The following RELN variants were observed in gnomAD, a reference collection of about 807,000 sequenced individuals.
The protein encoded by RELN is reelin.
RELN carries 108 observed loss-of-function variants against 427.6 expected under a neutral mutation model. The ratio of observed to expected loss-of-function variants is 0.25; its 90% CI spans 0.22 to 0.30. The LOEUF (loss-of-function observed/expected upper bound fraction) is 0.30, where lower values mean the gene tolerates loss of function less well. Among genes scored for constraint, RELN ranks in the 10% least tolerant of loss-of-function variants. RELN has a pLI of 1.00. For missense variants in RELN, 3,715 were observed against 4,302.8 expected (o/e 0.86, Z 3.82); for synonymous variants, 1,524 against 1,513.4 (o/e 1.01, Z -0.16).
chr7:103,849,952 C>A (rs552746937), intron 2 of RELN, among the ~76,000 whole-genome samples: 1 of 152,316 alleles, frequency 6.6e-6, no homozygotes, highest in East Asian at 1.9e-4. Context: ...CATAAATCAT[C>A]TCTTTCAAGA....
chr7:103,884,046 G>A (rs7777696), intron 2 of RELN, among the ~76,000 whole-genome samples: 59,543 of 150,896 alleles, frequency 0.39, 12,269 homozygotes, highest in Non-Finnish European at 0.43. Context: ...ACAGGGCTAC[G>A]GTAACAAAAA....
rs1797142671 is a variant in RELN, at chr7:103,988,137, GA to G, written c.226+993del. On this transcript the variant is annotated intron_variant, in intron 1 of 64. Transcript: ENST00000428762. This position sits in a 1 kb window ranked among gnomAD's most constrained non-coding sequence, Gnocchi z 4.9. The stretch of plus-strand genomic sequence containing the variant: ...GGTTGGGTATAAATATTTTGGGGTT[GA>G]AATTCTAATTAAATAGTGCCTGTCG... Among the ~76,000 whole-genome samples, 7 of 152,160 alleles carry G rather than the reference GA, an allele frequency of 4.6e-5. No individual in the cohort carries two copies. Among genetic ancestry groups the G allele is most frequent in the Admixed American group, 4.6e-4 (7 of 15,284 alleles).
At chr7:103,778,605 C>T (rs1204724118) in intron 3 of RELN, among the ~76,000 whole-genome samples, 3 of 152,192 alleles carry the variant, frequency 2.0e-5, no homozygotes, top group Non-Finnish European at 2.9e-5. Context: ...GATATACCAA[C>T]ATCTGCTAGT....
rs1563004244 is a variant in RELN at position 103,773,130 on chromosome 7, T to TTCTTTCTTTCTTTCTTTCTC, written c.544+3426_544+3427insGAGAAAGAAAGAAAGAAAGA. Among the ~76,000 whole-genome samples, 17 of 98,160 alleles carry TTCTTTCTTTCTTTCTTTCTC rather than the reference T, an allele frequency of 1.7e-4. No homozygotes were observed. The South Asian group carries it at 2.4e-3, about 14-fold the overall frequency. 64.4% of individuals were successfully genotyped at this position (98,160 alleles called of 152,430 possible). On this transcript the variant is annotated intron_variant, in intron 4 of 64. Transcript: ENST00000428762. The stretch of plus-strand genomic sequence containing the variant: ...TTTCTTTCTTTCTTTCTTTCTTTCT[T>TTCTTTCTTTCTTTCTTTCTC]TCTTTCTTTCTTTCTTTCTTTCTTT...
At chr7:103,539,394 T>G (rs1830126587) in intron 44 of RELN, 67 bp from the exon 45 acceptor site, 1 of 1,505,762 alleles carries the variant, frequency 6.6e-7, no homozygotes, top group Non-Finnish European at 9.1e-7. Flanking sequence ...GTTCTGCCTT[T>G]TTCGTTTGTT....
intron 5 of RELN, among the ~76,000 whole-genome samples, chr7:103,751,182 C>G (rs1790989579): frequency 6.6e-6 from 1 of 152,146 alleles, no homozygotes; most frequent in Non-Finnish European, 1.5e-5. Context: ...TTTGAACTAG[C>G]TAACAGACTG....
intron 8 of RELN, among the ~76,000 whole-genome samples, chr7:103,713,504 T>C (rs1163628957): frequency 6.6e-6 from 1 of 152,176 alleles, no homozygotes; most frequent in Non-Finnish European, 1.5e-5. Flanking sequence ...TTTAAAAAGC[T>C]AGAAGCTGTT....
chr7:103,885,992 AAAAAGAAG>A, intron 2 of RELN, among the ~76,000 whole-genome samples: 1 of 152,172 alleles, frequency 6.6e-6, no homozygotes, highest in Non-Finnish European at 1.5e-5. Context: ...TTTCTCTTCC[AAAAAGAAG>A]TTATATTATT....
chr7:103,710,274 T>C (rs1234829768), intron 8 of RELN, among the ~76,000 whole-genome samples: 2 of 152,228 alleles, frequency 1.3e-5, no homozygotes, highest in African/African-American at 4.8e-5. Flanking sequence ...TTGCCCCTCA[T>C]GTCAGGAGGT....
chr7:103,545,837 T>C (rs1830284087), intron 41 of RELN, among the ~76,000 whole-genome samples: 1 of 152,124 alleles, frequency 6.6e-6, no homozygotes, highest in Admixed American at 6.5e-5. Flanking sequence ...GGTTTCACCA[T>C]CTTGGCCAGG....
chr7:103,874,685 T>C (rs1357950563), intron 2 of RELN, among the ~76,000 whole-genome samples: 19 of 148,532 alleles, frequency 1.3e-4, no homozygotes, highest in Non-Finnish European at 2.4e-4. Flanking sequence ...GAACTACAAA[T>C]CACTGCTCAA....
At chr7:103,836,476 T>C (rs1194466186) in intron 2 of RELN, among the ~76,000 whole-genome samples, 2 of 152,196 alleles carry the variant, frequency 1.3e-5, no homozygotes, top group Non-Finnish European at 2.9e-5. Flanking sequence ...GCTCTATTGA[T>C]GTCACCGGCC....
At chr7:103,926,609 A>C (rs981509566) in intron 1 of RELN, among the ~76,000 whole-genome samples, 3 of 147,412 alleles carry the variant, frequency 2.0e-5, no homozygotes. Context: ...AACCGAACGC[A>C]GCTCTAAAGT....
intron 8 of RELN, among the ~76,000 whole-genome samples, chr7:103,714,427 T>G (rs1215270843): frequency 6.6e-6 from 1 of 152,168 alleles, no homozygotes; most frequent in Non-Finnish European, 1.5e-5. Context: ...AGTGTGCTAT[T>G]TTACCAATTC....
intron 4 of RELN, among the ~76,000 whole-genome samples, chr7:103,765,629 T>C (rs1468553743): frequency 1.3e-5 from 2 of 152,230 alleles, no homozygotes; most frequent in African/African-American, 2.4e-5. Context: ...TTGTGAATTA[T>C]GTATGTTTGT....
intron 1 of RELN, among the ~76,000 whole-genome samples, chr7:103,939,776 A>G (rs922303021): frequency 1.3e-5 from 2 of 152,240 alleles, no homozygotes; most frequent in African/African-American, 2.4e-5. Context: ...TTATTGTACA[A>G]TCACCTGAGG....
chr7:103,471,942 A>G lies in RELN; in HGVS notation c.*870T>C, dbSNP rs1827873607. On this transcript the variant is annotated 3_prime_UTR_variant, in exon 65 of 65. Transcript: ENST00000428762. Reference sequence around the variant, plus strand: ...AACTTCATCAGAAGGTATGAATATGACCCGCAGAAAAAACAATCCACGAAG... The same window carrying G: ...AACTTCATCAGAAGGTATGAATATGGCCCGCAGAAAAAACAATCCACGAAG... The G allele has an allele frequency of 6.6e-6, 1 of 152,572 alleles. No homozygotes were observed. Among genetic ancestry groups the G allele is most frequent in the African/African-American group, 2.4e-5 (1 of 41,432 alleles). 9.5% of individuals were successfully genotyped at this position (152,572 alleles called of 1,614,324 possible). A position where few individuals can be genotyped will look rare whatever the true frequency, so the allele number is the denominator to read the frequency against.
At chr7:103,595,068 T>G (rs1394909443) in intron 25 of RELN, among the ~76,000 whole-genome samples, 1 of 152,182 alleles carries the variant, frequency 6.6e-6, no homozygotes, top group African/African-American at 2.4e-5. Context: ...TACATTCTCA[T>G]GTTAGTAAAA....
chr7:103,507,719 C>A (rs1829262903), intron 51 of RELN, among the ~76,000 whole-genome samples: 1 of 151,976 alleles, frequency 6.6e-6, no homozygotes, highest in African/African-American at 2.4e-5. Context: ...ACAAAATACC[C>A]TTCAAAAAAA....
Sources: allele counts gnomAD v4.1 joint callset (sites outside exome capture counted in the v4.1 genomes callset), GRCh38; gene constraint gnomAD v4.1.1; non-coding constraint Gnocchi (gnomAD v3.1); transcripts MANE v1.5; gene names NCBI Gene and HGNC (gene_info 2026-07-23, HGNC 2026-07-21).